Variants in CUBN observed in about 807,000 individuals in gnomAD.
The protein encoded by CUBN is 460 kDa receptor.
A neutral mutation model predicts 405.3 loss-of-function variants in CUBN; 282 were observed. The ratio of observed to expected loss-of-function variants is 0.70; its 90% CI spans 0.63 to 0.77. CUBN has a LOEUF of 0.77. Among genes scored for constraint, CUBN ranks in the 30% least tolerant of loss-of-function variants. CUBN has a pLI of 0.00. For synonymous variants in CUBN, 1,684 were observed against 1,617.0 expected (o/e 1.04, Z -0.99); for missense variants, 4,514 against 4,475.2 (o/e 1.01, Z -0.25).
rs59702069 is a variant in CUBN at position 16,869,557 on chromosome 10, T to TG, written c.9454+78dup. ...AAAAGCAATCATAATCAGGTGGGGGTGGGGGGGGGGCGGGGAAATTAAATA... is the reference window on the plus strand; with the variant it reads ...AAAAGCAATCATAATCAGGTGGGGGTGGGGGGGGGGGCGGGGAAATTAAATA... On this transcript the variant is annotated intron_variant, in intron 59 of 66. Coordinates refer to ENST00000377833, the MANE Select transcript of CUBN (RefSeq NM_001081.4). The TG allele has an allele frequency of 0.048, 32,881 of 684,868 alleles. 176 individuals are homozygous for TG. The highest frequency in any genetic ancestry group is 0.09 in the African/African-American group (3,620 of 40,426). 42.4% of individuals were successfully genotyped at this position (684,868 alleles called of 1,614,324 possible). A position where few individuals can be genotyped will look rare whatever the true frequency, so the allele number is the denominator to read the frequency against.
chr10:16,840,245 A>C, intron 62 of CUBN, 85 bp downstream of exon 62: 1 of 1,204,822 alleles, frequency 8.3e-7, no homozygotes, highest in Non-Finnish European at 1.2e-6. Flanking sequence ...AAATTATTTC[A>C]TCATGGCTTC....
At chr10:16,909,537 TGGGCACC>T (rs1841661989) in intron 48 of CUBN, among the ~76,000 whole-genome samples, 1 of 152,182 alleles carries the variant, frequency 6.6e-6, no homozygotes, top group Admixed American at 6.5e-5. Flanking sequence ...AAAACAGGAA[TGGGCACC>T]ACATTGATGG....
chr10:16,971,732 C>G (rs1832941659), intron 31 of CUBN, among the ~76,000 whole-genome samples: 1 of 152,158 alleles, frequency 6.6e-6, no homozygotes, highest in South Asian at 2.1e-4. Flanking sequence ...ATGATTTTCT[C>G]TACTGTTCGC....
intron 59 of CUBN, 79 bp downstream of exon 59, chr10:16,869,557 T>TGGGGGGGGGGGGG (rs59702069): frequency 3.2e-6 from 2 of 632,036 alleles, no homozygotes; most frequent in African/African-American, 5.0e-5. Context: ...CAGGTGGGGG[T>TGGGGGGGGGGGGG]GGGGGGGGGG....
At chr10:16,932,517 TATC>T (rs1209645527) in intron 40 of CUBN, among the ~76,000 whole-genome samples, 4 of 152,176 alleles carry the variant, frequency 2.6e-5, no homozygotes, top group Admixed American at 2.0e-4. Context: ...AATACAACAA[TATC>T]ACCCCTTAAC....
At chr10:17,065,090 G>T (rs1281043036) in intron 22 of CUBN, among the ~76,000 whole-genome samples, 1 of 147,298 alleles carries the variant, frequency 6.8e-6, no homozygotes. Context: ...TTATGTATTT[G>T]TATTCTGCTC....
chr10:17,084,258 T>C lies in CUBN; in HGVS notation c.2301+13A>G, dbSNP rs1481626477. Reference sequence around the variant, plus strand: ...TGAATGTCATCTAAGGGCGATTGAGTAGTGAAAGTTACCTCAATGTAATTC... The same window carrying C: ...TGAATGTCATCTAAGGGCGATTGAGCAGTGAAAGTTACCTCAATGTAATTC... On this transcript the variant is annotated intron_variant, in intron 17 of 66. Transcript: ENST00000377833. The C allele has an allele frequency of 6.2e-7, 1 of 1,611,562 alleles. No homozygotes were observed. Among genetic ancestry groups the C allele is most frequent in the Non-Finnish European group, 8.5e-7 (1 of 1,178,094 alleles).
At chr10:17,093,598 T>C (rs576924662) in intron 14 of CUBN, among the ~76,000 whole-genome samples, 3 of 151,916 alleles carry the variant, frequency 2.0e-5, no homozygotes, top group Non-Finnish European at 4.4e-5. Context: ...AGGAAGATAA[T>C]ATAATCCAGA....
Position 16,928,220 on chromosome 10 carries a change from A to AG in CUBN, c.6207_6208insC (p.Phe2070LeufsTer66). 1 of 1,614,050 alleles carries AG rather than the reference A, an allele frequency of 6.2e-7. No individual in the cohort carries two copies. The highest frequency in any genetic ancestry group is 8.5e-7 in the Non-Finnish European group (1 of 1,179,938). ...CTGGAGTCCGAGGTGAAGCGGATGA[A>AG]CATGTACTCTCCAGTAGACCGGATG... On this transcript the variant is annotated frameshift_variant, in exon 41 of 67. Coordinates refer to ENST00000377833, the MANE Select transcript of CUBN (RefSeq NM_001081.4). LOFTEE classifies it high-confidence loss of function.
chr10:17,068,021 A>G, intron 21 of CUBN, 43 bp downstream of exon 21: 8 of 1,485,398 alleles, frequency 5.4e-6, no homozygotes, highest in Non-Finnish European at 7.5e-6. Flanking sequence ...GCAGGAAATC[A>G]GTGAAGTTTT....
chr10:16,952,780 A>C (rs1842953693), intron 32 of CUBN, among the ~76,000 whole-genome samples: 1 of 152,236 alleles, frequency 6.6e-6, no homozygotes, highest in Non-Finnish European at 1.5e-5. Context: ...ATAAGGCTTC[A>C]TAAGGATGAC....
At chr10:17,034,592 G>C (rs1016528810) in intron 27 of CUBN, among the ~76,000 whole-genome samples, 10 of 152,116 alleles carry the variant, frequency 6.6e-5, no homozygotes, top group Admixed American at 2.6e-4. Context: ...TCAAGGATTT[G>C]GTTAAGTCTG....
chr10:16,920,128 C>T lies in CUBN; in HGVS notation c.6656G>A (p.Gly2219Asp). 2 of 1,613,848 alleles carry T rather than the reference C, an allele frequency of 1.2e-6. No homozygotes were observed. The highest frequency in any genetic ancestry group is 8.5e-7 in the Non-Finnish European group (1 of 1,179,898). The change falls in exon 44 of 67, where the codon GGC (glycine) becomes GAC (aspartate). Residue 2219 changes from glycine to aspartate, a missense_variant. This residue lies in a region of CUBN where 1,613 missense variants were observed against 1,542.8 expected (regional missense o/e 1.05). Transcript: ENST00000377833. The stretch of plus-strand genomic sequence containing the variant: ...ATCAGCATCATGGATGTAGACGTTG[C>T]CCCCACAGGCTGTGAGCAAACACAC... ...KYEAKSLACGGNVYIHDADSA... is the reference protein window; with the variant it reads ...KYEAKSLACGDNVYIHDADSA...
intron 17 of CUBN, among the ~76,000 whole-genome samples, chr10:17,079,524 C>T (rs1364804308): frequency 6.6e-6 from 1 of 152,086 alleles, no homozygotes; most frequent in African/African-American, 2.4e-5. Context: ...CAGGCATGAG[C>T]CACCATGCCT....
intron 60 of CUBN, among the ~76,000 whole-genome samples, chr10:16,845,581 G>T (rs1303817489): frequency 3.9e-5 from 6 of 152,216 alleles, no homozygotes; most frequent in African/African-American, 1.4e-4. Flanking sequence ...ATTAGAATCA[G>T]CTCTACAAGA....
At position 16,890,353 on chromosome 10, in the gene CUBN, G is replaced by T. The variant is rs770666910; in HGVS notation, c.8755+18C>A. Reference sequence around the variant, plus strand: ...ACTCCCGCAAAGACCTCTGGGTTTGGTTCTTAGGGCTACTTACGGCTAACA... The same window carrying T: ...ACTCCCGCAAAGACCTCTGGGTTTGTTTCTTAGGGCTACTTACGGCTAACA... On this transcript the variant is annotated intron_variant, in intron 55 of 66. Transcript: ENST00000377833. 1 of 1,612,252 alleles carries T rather than the reference G, an allele frequency of 6.2e-7. No individual in the cohort carries two copies. The highest frequency in any genetic ancestry group is 8.5e-7 in the Non-Finnish European group (1 of 1,179,926).
At chr10:16,995,066 G>C (rs912181386) in intron 28 of CUBN, among the ~76,000 whole-genome samples, 1 of 152,132 alleles carries the variant, frequency 6.6e-6, no homozygotes, top group Non-Finnish European at 1.5e-5. Flanking sequence ...TCTCCAGCCT[G>C]GGCGACAGAG....
Position 16,840,224 on chromosome 10 carries a change from T to TA in CUBN, c.10032+105dup, listed in dbSNP as rs543709692. 5.5e-4 allele frequency: 565 copies of TA among 1,026,780 alleles called. 5 individuals are homozygous for TA. In the South Asian group the frequency reaches 6.5e-3, roughly 12 times the overall value. The allele number at this position is 1,026,780 out of a possible 1,614,324, so 63.6% of individuals were successfully genotyped here. A position where few individuals can be genotyped will look rare whatever the true frequency, so the allele number is the denominator to read the frequency against. ...TGTACCCTAAAACTTAAAGTATAAT[T>TA]AAAAAAAAGAAAATTATTTCATCAT... is the stretch of plus-strand genomic sequence containing the variant. On this transcript the variant is annotated intron_variant, in intron 62 of 66. Transcript: ENST00000377833.
chr10:16,989,475 A>C (rs537325743), intron 29 of CUBN, among the ~76,000 whole-genome samples: 9 of 148,326 alleles, frequency 6.1e-5, no homozygotes, highest in Middle Eastern at 3.6e-3. Context: ...AAATTATATA[A>C]GAATATTACA....
Sources: gnomAD v4.1 joint callset for allele counts (sites outside exome capture counted in the v4.1 genomes callset) on GRCh38, gnomAD v4.1.1 for gene constraint, gnomAD v4.1.1 regional missense constraint, MANE v1.5 for transcripts, NCBI Gene and HGNC (gene_info 2026-07-23, HGNC 2026-07-21) for gene names.